CAPS2: variants seen among roughly 807,000 people sequenced by gnomAD.
CAPS2 encodes the protein calcyphosine 2.
Under a neutral mutation model 86.5 loss-of-function variants are expected in CAPS2, and 98 were observed. The observed-to-expected ratio is 1.13, with a 90% CI of 0.96 to 1.34. The LOEUF is 1.34. Ranked by LOEUF, CAPS2 falls within the 40% of genes most tolerant of loss-of-function variation. CAPS2 has a pLI of 0.00. For synonymous variants in CAPS2, 210 were observed against 225.1 expected (o/e 0.93, Z 0.60); for missense variants, 729 against 686.8 (o/e 1.06, Z -0.69).
chr12:75,362,422 ATGTATGAATGC>A (rs1345590605), intron 1 of CAPS2, among the ~76,000 whole-genome samples: 2 of 152,162 alleles, frequency 1.3e-5, no homozygotes, highest in Non-Finnish European at 2.9e-5. Context: ...ATAATGATGT[ATGTATGAATGC>A]TTTCAACATT....
chr12:75,306,224 G>T, intron 7 of CAPS2: 1 of 669,238 alleles, frequency 1.5e-6, no homozygotes, highest in Non-Finnish European at 2.6e-6. Context: ...GGCCAGCCGC[G>T]AAATTACGAA....
At chr12:75,382,645 A>C (rs1306199462) in intron 1 of CAPS2, among the ~76,000 whole-genome samples, 1 of 152,020 alleles carries the variant, frequency 6.6e-6, no homozygotes, top group Non-Finnish European at 1.5e-5. Flanking sequence ...ATCTCAAAAA[A>C]AAAAAGAAGA....
upstream of CAPS2, among the ~76,000 whole-genome samples, chr12:75,328,490 C>T (rs914683608): frequency 2.0e-5 from 3 of 152,184 alleles, no homozygotes; most frequent in African/African-American, 7.2e-5. Flanking sequence ...ATTAGATTTT[C>T]TTTCCCCTAA....
intron 1 of CAPS2, among the ~76,000 whole-genome samples, chr12:75,367,211 C>T (rs376480383): frequency 6.9e-6 from 1 of 145,058 alleles, no homozygotes; most frequent in African/African-American, 2.6e-5. Flanking sequence ...TGGAGAAGAT[C>T]CTTTAGAATG....
At chr12:75,294,910 A>G (rs1429370601) in intron 11 of CAPS2, 1 of 152,268 alleles carries the variant, frequency 6.6e-6, no homozygotes, top group Non-Finnish European at 1.5e-5. Flanking sequence ...GAAAAAGAAA[A>G]AAAGAAAGAA....
chr12:75,387,749 C>G (rs1227315837), intron 1 of CAPS2, among the ~76,000 whole-genome samples: 2 of 152,158 alleles, frequency 1.3e-5, no homozygotes, highest in African/African-American at 4.8e-5. Flanking sequence ...ACCCATTAAT[C>G]TACGAATGGA....
intron 1 of CAPS2, 51 bp from the exon 3 acceptor site, chr12:75,325,339 TTTA>T: frequency 1.6e-6 from 2 of 1,263,194 alleles, no homozygotes; most frequent in South Asian, 2.8e-5. Context: ...GAATATACCC[TTTA>T]TACTTTAAGA....
chr12:75,363,092 T>C, intron 1 of CAPS2: 1 of 1,491,954 alleles, frequency 6.7e-7, no homozygotes, highest in South Asian at 1.3e-5. Context: ...AATGTTTCTC[T>C]TTTTTACAGA....
At chr12:75,344,638 C>T (rs182955186) in intron 1 of CAPS2, among the ~76,000 whole-genome samples, 2 of 152,044 alleles carry the variant, frequency 1.3e-5, no homozygotes, top group Admixed American at 1.3e-4. Flanking sequence ...CATTATGAAT[C>T]GAATTTTCTT....
chr12:75,279,116 T>C (rs1219241514), intron 16 of CAPS2, 51 bp from the exon 17 acceptor site: 7 of 1,355,054 alleles, frequency 5.2e-6, no homozygotes, highest in Non-Finnish European at 6.9e-6. Context: ...TTCAGTGAAA[T>C]GACTGATGAT....
intron 13 of CAPS2, among the ~76,000 whole-genome samples, chr12:75,290,008 G>C (rs2035565458): frequency 6.6e-6 from 1 of 152,146 alleles, no homozygotes; most frequent in African/African-American, 2.4e-5. Context: ...CTGTGTGGTG[G>C]AAGTGGTATG....
At chr12:75,289,711 A>G (rs1224805041) in exon 14 of CAPS2, 1 of 1,613,036 alleles carries the variant, frequency 6.2e-7, no homozygotes, top group African/African-American at 1.3e-5. Context: ...CCAACTGTTG[A>G]AAATATTTTC....
At chr12:75,364,562 A>G (rs1044977735) in intron 1 of CAPS2, among the ~76,000 whole-genome samples, 3 of 152,228 alleles carry the variant, frequency 2.0e-5, no homozygotes, top group Non-Finnish European at 2.9e-5. Flanking sequence ...GGCATTCATT[A>G]ACTGTTAAAT....
At chr12:75,287,886 T>C (rs893538775) in intron 14 of CAPS2, among the ~76,000 whole-genome samples, 3 of 152,040 alleles carry the variant, frequency 2.0e-5, no homozygotes, top group Non-Finnish European at 4.4e-5. Flanking sequence ...GCAGAGTGTG[T>C]TGGGGGAAGG....
At chr12:75,356,329 T>A (rs1208579600) in intron 1 of CAPS2, among the ~76,000 whole-genome samples, 1 of 152,024 alleles carries the variant, frequency 6.6e-6, no homozygotes, top group Non-Finnish European at 1.5e-5. Flanking sequence ...AGATGATAAG[T>A]TTGTGGATAA....
chr12:75,327,896 T>G (rs866395766), upstream of CAPS2, among the ~76,000 whole-genome samples: 2 of 150,940 alleles, frequency 1.3e-5, no homozygotes, highest in African/African-American at 4.8e-5. Context: ...TACTTTTATT[T>G]CATGCCCAGT....
intron 1 of CAPS2, among the ~76,000 whole-genome samples, chr12:75,341,097 A>C (rs1368581099): frequency 2.0e-5 from 3 of 152,142 alleles, no homozygotes; most frequent in Non-Finnish European, 4.4e-5. Flanking sequence ...ACTTCTGGGC[A>C]CTTTTTCCTT....
At chr12:75,277,890 T>C (rs2033194602) in exon 17 of CAPS2, 4 of 839,466 alleles carry the variant, frequency 4.8e-6, no homozygotes, top group Non-Finnish European at 5.7e-6. Flanking sequence ...AGAATGATTA[T>C]AATACATGTA....
intron 8 of CAPS2, among the ~76,000 whole-genome samples, chr12:75,304,480 A>G (rs1312028707): frequency 6.6e-6 from 1 of 152,224 alleles, no homozygotes; most frequent in African/African-American, 2.4e-5. Flanking sequence ...CTCGGTAACT[A>G]TATGATACAT....
Sources: gnomAD v4.1 joint callset for allele counts (sites outside exome capture counted in the v4.1 genomes callset) on GRCh38, gnomAD v4.1.1 for gene constraint, MANE v1.5 for transcripts, NCBI Gene and HGNC (gene_info 2026-07-23, HGNC 2026-07-21) for gene names.